Variants in SNX10 observed in about 807,000 individuals in gnomAD.
SNX10 encodes the protein sorting nexin-10.
In SNX10, 25 loss-of-function variants were observed where a neutral mutation model predicts 28.5. The observed-to-expected ratio is 0.88, with a 90% CI of 0.64 to 1.22. SNX10 has a LOEUF of 1.22. SNX10 is among the 50% of genes most tolerant of loss of function. SNX10 has a pLI of 0.00. For synonymous variants in SNX10, 62 were observed against 81.4 expected (o/e 0.76, Z 1.28); for missense variants, 223 against 242.6 (o/e 0.92, Z 0.54).
chr7:26,346,010 G>A, intron 1 of SNX10, among the ~76,000 whole-genome samples: 1 of 152,182 alleles, frequency 6.6e-6, no homozygotes, highest in East Asian at 1.9e-4. Flanking sequence ...GAAGGTTTGA[G>A]TTTCCGGTAA....
chr7:26,322,815 AC>A (rs1371520811), intron 1 of SNX10, among the ~76,000 whole-genome samples: 1 of 152,228 alleles, frequency 6.6e-6, no homozygotes, highest in Non-Finnish European at 1.5e-5. Context: ...TTTATTGCCC[AC>A]CTGCGATTAT....
chr7:26,365,002 C>T, intron 4 of SNX10, 45 bp from the exon 5 acceptor site: 1 of 1,206,466 alleles, frequency 8.3e-7, no homozygotes. Context: ...AACAGAAGCA[C>T]CTTGAGTTAA....
At chr7:26,343,117 T>C (rs1788245934) in intron 1 of SNX10, among the ~76,000 whole-genome samples, 1 of 152,172 alleles carries the variant, frequency 6.6e-6, no homozygotes, top group Non-Finnish European at 1.5e-5. Context: ...TACTTCATAG[T>C]TGGACTTGGT....
chr7:26,356,131 G>A (rs974355225), intron 2 of SNX10, among the ~76,000 whole-genome samples: 1 of 152,134 alleles, frequency 6.6e-6, no homozygotes, highest in Non-Finnish European at 1.5e-5. Flanking sequence ...GGAAAAACAG[G>A]GAACATTGAA....
chr7:26,313,768 A>C (rs1413617572), intron 1 of SNX10, among the ~76,000 whole-genome samples: 1 of 152,048 alleles, frequency 6.6e-6, no homozygotes, highest in Non-Finnish European at 1.5e-5. Flanking sequence ...ACTGGTAATG[A>C]AATCCTGAGT....
chr7:26,311,779 TTAAA>T (rs1786862644), intron 1 of SNX10, among the ~76,000 whole-genome samples: 3 of 152,168 alleles, frequency 2.0e-5, no homozygotes, highest in African/African-American at 7.2e-5. Flanking sequence ...TGTGGCCCAC[TTAAA>T]TAAATACTGT....
At chr7:26,344,666 C>A (rs1234732582) in intron 1 of SNX10, among the ~76,000 whole-genome samples, 2 of 152,156 alleles carry the variant, frequency 1.3e-5, no homozygotes, top group Non-Finnish European at 2.9e-5. Context: ...AGCTCTGAGC[C>A]TGCTGTGTAC....
At chr7:26,363,768 T>G (rs973612477) in intron 3 of SNX10, among the ~76,000 whole-genome samples, 1 of 152,078 alleles carries the variant, frequency 6.6e-6, no homozygotes, top group Non-Finnish European at 1.5e-5. Context: ...CAACACTTAG[T>G]AACTAACAGT....
intron 2 of SNX10, among the ~76,000 whole-genome samples, chr7:26,349,115 A>G (rs764949352): frequency 2.0e-5 from 3 of 152,206 alleles, no homozygotes; most frequent in Non-Finnish European, 4.4e-5. Context: ...ACCTAATCGA[A>G]TATGTAAGGA....
In SNX10 at chr7:26,302,877, C is replaced by T. The variant is rs76869431; in HGVS notation, c.-24+10791C>T. 2.1e-3 allele frequency among the ~76,000 whole-genome samples: 320 copies of T among 152,116 alleles called. 3 individuals carry two copies. The highest frequency in any genetic ancestry group is 6.8e-3 in the East Asian group (35 of 5,168). On this transcript the variant is annotated intron_variant, in intron 1 of 6. Coordinates refer to ENST00000338523, the MANE Select transcript of SNX10 (RefSeq NM_013322.3). ...CAGCATGGCCAACATGATGGGAGGG[C>T]GACGGAGGTTGCAGTGAGCCGAAAT...
rs183150473 is a variant in SNX10, at chr7:26,330,777, C to T, written c.-23-15643C>T. 4.6e-5 allele frequency among the ~76,000 whole-genome samples: 7 copies of T among 152,118 alleles called. No homozygotes were observed. In the East Asian group the frequency reaches 7.7e-4, roughly 17 times the overall value. ...GCATGCACCTGTAGTCGCAGCTACT[C>T]GGGAGGCTGAGGCAGGAGAATCGCT... is the stretch of plus-strand genomic sequence containing the variant. On this transcript the variant is annotated intron_variant, in intron 1 of 6. Coordinates refer to ENST00000338523, the MANE Select transcript of SNX10 (RefSeq NM_013322.3).
chr7:26,362,334 C>T (rs963652744), intron 3 of SNX10, among the ~76,000 whole-genome samples: 16 of 152,110 alleles, frequency 1.1e-4, no homozygotes, highest in Non-Finnish European at 1.6e-4. Context: ...AAAAATTGTG[C>T]GTCCTTATCA....
chr7:26,329,536 C>T (rs1219485947), intron 1 of SNX10, among the ~76,000 whole-genome samples: 1 of 152,234 alleles, frequency 6.6e-6, no homozygotes, highest in African/African-American at 2.4e-5. Context: ...TTTGTGTTCT[C>T]TCACTATTAT....
intron 1 of SNX10, among the ~76,000 whole-genome samples, chr7:26,306,621 GAACTCCTGGGCTC>G (rs1186907967): frequency 6.6e-6 from 1 of 151,944 alleles, no homozygotes; most frequent in Non-Finnish European, 1.5e-5. Context: ...CCCAGGTCTC[GAACTCCTGGGCTC>G]AAGTGATCCA....
At chr7:26,309,937 T>C (rs764084411) in intron 1 of SNX10, among the ~76,000 whole-genome samples, 3 of 152,238 alleles carry the variant, frequency 2.0e-5, no homozygotes, top group Non-Finnish European at 4.4e-5. Context: ...ATAATACATG[T>C]TGCAAGCTTT....
At chr7:26,321,431 T>C (rs1358916839) in intron 1 of SNX10, among the ~76,000 whole-genome samples, 2 of 152,242 alleles carry the variant, frequency 1.3e-5, no homozygotes, top group African/African-American at 4.8e-5. Context: ...CTGGATATTT[T>C]GTTCATCTTT....
chr7:26,315,831 A>G (rs1182245520), intron 1 of SNX10, among the ~76,000 whole-genome samples: 1 of 152,164 alleles, frequency 6.6e-6, no homozygotes, highest in African/African-American at 2.4e-5. Context: ...TTGAGATTTT[A>G]TATTTTTATC....
rs371699790 is a variant in SNX10, at chr7:26,353,460, T to TGGC, written c.24+6996_24+6997insCGG. ...TGCTTTTTTTTTTTTTTTTTTTTTT[T>TGGC]GGTGGGGAGACAGAGTCTTGGTCTG... On this transcript the variant is annotated intron_variant, in intron 2 of 6. Transcript: ENST00000338523. Among the ~76,000 whole-genome samples the TGGC allele has an allele frequency of 1.0e-3, 86 of 83,448 alleles. 4 individuals carry two copies. The highest frequency in any genetic ancestry group is 0.01 in the South Asian group (20 of 1,980). 54.7% of individuals were successfully genotyped at this position (83,448 alleles called of 152,430 possible). A position where few individuals can be genotyped will look rare whatever the true frequency, so the allele number is the denominator to read the frequency against.
chr7:26,369,058 T>A (rs751161495), intron 5 of SNX10, among the ~76,000 whole-genome samples: 65 of 152,230 alleles, frequency 4.3e-4, no homozygotes, highest in African/African-American at 1.4e-3. Context: ...GATTTTGCTT[T>A]GTTTAGTCTA....
Sources: allele counts gnomAD v4.1 joint callset (sites outside exome capture counted in the v4.1 genomes callset), GRCh38; gene constraint gnomAD v4.1.1; transcripts MANE v1.5; gene names NCBI Gene and HGNC (gene_info 2026-07-23, HGNC 2026-07-21).